Variants in CDH23 observed in about 807,000 individuals in gnomAD.
The protein encoded by CDH23 is cadherin-23.
A neutral mutation model predicts 317.1 loss-of-function variants in CDH23; 189 were observed. The ratio of observed to expected loss-of-function variants is 0.60; its 90% CI spans 0.53 to 0.67. CDH23 has a LOEUF of 0.67. CDH23 is among the 30% of genes least tolerant of loss of function. CDH23 has a pLI of 0.00. For synonymous variants in CDH23, 1,839 were observed against 1,876.8 expected (o/e 0.98, Z 0.52); for missense variants, 4,401 against 4,592.4 (o/e 0.96, Z 1.20).
intron 3 of CDH23, among the ~76,000 whole-genome samples, chr10:71,451,317 T>C (rs1355659154): frequency 1.3e-5 from 2 of 152,198 alleles, no homozygotes; most frequent in African/African-American, 4.8e-5. Context: ...CTGCCCAGCC[T>C]GAGGCAGAGC....
intron 38 of CDH23, among the ~76,000 whole-genome samples, chr10:71,774,717 C>T (rs1195313459): frequency 6.6e-6 from 1 of 152,212 alleles, no homozygotes; most frequent in Non-Finnish European, 1.5e-5. Context: ...CCATTTTACT[C>T]AGTTTACCCC....
intron 9 of CDH23, among the ~76,000 whole-genome samples, chr10:71,583,816 AG>A (rs1285283144): frequency 6.6e-6 from 1 of 152,144 alleles, no homozygotes; most frequent in African/African-American, 2.4e-5. Context: ...AGACAAGGAA[AG>A]CAAGGCTCAG....
At position 71,789,340 on chromosome 10, in the gene CDH23, C is replaced by T. The variant is rs185051339; in HGVS notation, c.5923+298C>T. Among the ~76,000 whole-genome samples, 15 of 152,286 alleles carry T rather than the reference C, an allele frequency of 9.8e-5. No homozygotes were observed. The East Asian group carries it at 1.2e-3, about 12-fold the overall frequency. The stretch of plus-strand genomic sequence containing the variant: ...GGCATGTAAGGTGTGAGGACTACCC[C>T]GGAGGGGAGTGGGTCCACCCCTCAC... On this transcript the variant is annotated intron_variant, in intron 45 of 69. Transcript: ENST00000224721.
chr10:71,482,865 A>T (rs531608558), intron 3 of CDH23, among the ~76,000 whole-genome samples: 29 of 152,310 alleles, frequency 1.9e-4, no homozygotes, highest in African/African-American at 7.0e-4. Flanking sequence ...TGACAGTTAA[A>T]TCCAAGAGGG....
rs576427958 is a variant in CDH23 at position 71,642,894 on chromosome 10, G to A, written c.1135-967G>A. ...CCACTGTGTGTCATGGTCTGCTGGG[G>A]AATCTTCACCACCTGAGGCATGGTC... On this transcript the variant is annotated intron_variant, in intron 11 of 69. Transcript: ENST00000224721. 5.3e-5 allele frequency among the ~76,000 whole-genome samples: 8 copies of A among 152,314 alleles called. No homozygotes were observed. The South Asian group carries it at 1.4e-3, about 28-fold the overall frequency.
chr10:71,708,386 C>G (rs1428249345), intron 26 of CDH23, among the ~76,000 whole-genome samples: 3 of 152,166 alleles, frequency 2.0e-5, no homozygotes, highest in African/African-American at 7.2e-5. Flanking sequence ...TGCCGTGGCG[C>G]CCTCTGCTGC....
chr10:71,648,392 G>C (rs1863000574), intron 14 of CDH23, among the ~76,000 whole-genome samples: 1 of 152,230 alleles, frequency 6.6e-6, no homozygotes, highest in Non-Finnish European at 1.5e-5. Flanking sequence ...GCCTCAGAGT[G>C]GAGGGGAGGC....
At chr10:71,808,530 C>A (rs1250548944) in intron 60 of CDH23, among the ~76,000 whole-genome samples, 1 of 152,234 alleles carries the variant, frequency 6.6e-6, no homozygotes, top group Non-Finnish European at 1.5e-5. Flanking sequence ...TCAAAGCTCA[C>A]ACTTATATCT....
chr10:71,688,146 T>C lies in CDH23; in HGVS notation c.2059+427T>C, dbSNP rs1864983986. ...CATGTGTTCCTATGTGAGGATGCGA[T>C]TGAGAGGCTAATCTCTGGGCCAGGC... On this transcript the variant is annotated intron_variant, in intron 19 of 69. Transcript: ENST00000224721. Among the ~76,000 whole-genome samples the C allele has an allele frequency of 2.0e-5, 3 of 152,276 alleles. No individual in the cohort carries two copies. In the South Asian group the frequency reaches 6.2e-4, roughly 32 times the overall value.
chr10:71,431,825 GCCCTTGTACCTC>G (rs1311008114), intron 1 of CDH23, among the ~76,000 whole-genome samples: 1 of 152,176 alleles, frequency 6.6e-6, no homozygotes, highest in East Asian at 1.9e-4. Context: ...TGTGCCCTCT[GCCCTTGTACCTC>G]CTGACCGGGC....
In CDH23 at chr10:71,716,796, G is replaced by A. The variant is rs147104937; in HGVS notation, c.3369+3983G>A. On this transcript the variant is annotated intron_variant, in intron 28 of 69. Transcript: ENST00000224721. ...CCAAAGCTGCAAACTGGGGGCCCAC[G>A]GGTGTGTTTAGTTGGGTCCTTGCCA... 3.1e-5 allele frequency: 5 copies of A among 163,436 alleles called. No individual in the cohort carries two copies. The East Asian group carries it at 5.3e-4, about 17-fold the overall frequency. 10.1% of individuals were successfully genotyped at this position (163,436 alleles called of 1,614,324 possible).
chr10:71,688,077 G>A (rs146240857), intron 19 of CDH23, among the ~76,000 whole-genome samples: 37 of 152,340 alleles, frequency 2.4e-4, no homozygotes, highest in Admixed American at 2.4e-3. Context: ...CTGTGAGGCA[G>A]GTCCCAGGGG....
chr10:71,679,007 C>T (rs1418138796), intron 16 of CDH23, among the ~76,000 whole-genome samples: 6 of 150,522 alleles, frequency 4.0e-5, no homozygotes, highest in African/African-American at 1.5e-4. Context: ...TAACCGGCTC[C>T]GGGAGTCAGG....
intron 6 of CDH23, among the ~76,000 whole-genome samples, chr10:71,566,049 G>T (rs1353547885): frequency 6.6e-6 from 1 of 152,220 alleles, no homozygotes; most frequent in Non-Finnish European, 1.5e-5. Flanking sequence ...GAAATAAAAT[G>T]TGAAGGGGGA....
At chr10:71,583,264 G>A (rs1046546781) in intron 9 of CDH23, among the ~76,000 whole-genome samples, 9 of 152,134 alleles carry the variant, frequency 5.9e-5, no homozygotes, top group Non-Finnish European at 8.8e-5. Context: ...GCGGGGGTCC[G>A]GTGCTGAGGC....
intron 30 of CDH23, among the ~76,000 whole-genome samples, chr10:71,727,888 CCT>C (rs1866886995): frequency 6.6e-6 from 1 of 152,168 alleles, no homozygotes; most frequent in Non-Finnish European, 1.5e-5. Flanking sequence ...TACATCTGTG[CCT>C]CTCAGGTTTG....
At chr10:71,565,343 A>G (rs1436581147) in intron 6 of CDH23, among the ~76,000 whole-genome samples, 2 of 152,134 alleles carry the variant, frequency 1.3e-5, no homozygotes, top group African/African-American at 4.8e-5. Context: ...CATGGAAGAG[A>G]GCCTGCTGGG....
intron 9 of CDH23, among the ~76,000 whole-genome samples, chr10:71,590,468 C>T (rs542469392): frequency 2.6e-5 from 4 of 152,256 alleles, no homozygotes; most frequent in African/African-American, 9.6e-5. Context: ...AGGATCTCCC[C>T]GCCCTCACTT....
intron 14 of CDH23, among the ~76,000 whole-genome samples, chr10:71,651,077 A>G (rs1863146287): frequency 6.6e-6 from 1 of 152,224 alleles, no homozygotes; most frequent in Non-Finnish European, 1.5e-5. Flanking sequence ...TAACTACGAA[A>G]TGAATCTTCA....
Sources: gnomAD v4.1 joint callset for allele counts (sites outside exome capture counted in the v4.1 genomes callset) on GRCh38, gnomAD v4.1.1 for gene constraint, MANE v1.5 for transcripts, NCBI Gene and HGNC (gene_info 2026-07-23, HGNC 2026-07-21) for gene names.